The following SSBP3 variants were observed in gnomAD, a reference collection of about 807,000 sequenced individuals.
The protein encoded by SSBP3 is single-stranded DNA-binding protein 3.
Under a neutral mutation model 69.6 loss-of-function variants are expected in SSBP3, and 5 were observed. That is an observed-to-expected ratio of 0.07 (90% confidence interval 0.04 to 0.15). The LOEUF (loss-of-function observed/expected upper bound fraction) is 0.15. Among genes scored for constraint, SSBP3 ranks in the 10% least tolerant of loss-of-function variants. The pLI, the probability that SSBP3 is intolerant of heterozygous loss-of-function variation, is 1.00. For missense variants in SSBP3, 312 were observed against 534.0 expected (o/e 0.58, Z 4.10); for synonymous variants, 196 against 193.4 (o/e 1.01, Z -0.11).
At chr1:54,356,695 A>G (rs1298237600) in intron 4 of SSBP3, 1 of 152,248 alleles carries the variant, frequency 6.6e-6, no homozygotes, top group Non-Finnish European at 1.5e-5. Context: ...GGAGCTGCAA[A>G]GGGAGCCGAC....
At chr1:54,281,334 C>T in intron 5 of SSBP3, 104 bp downstream of exon 5, 5 of 881,240 alleles carry the variant, frequency 5.7e-6, no homozygotes, top group African/African-American at 3.4e-5. Context: ...TGTATTTAGA[C>T]CATGGCAAAC....
At chr1:54,299,960 C>T (rs1056490406) in intron 4 of SSBP3, among the ~76,000 whole-genome samples, 1 of 152,138 alleles carries the variant, frequency 6.6e-6, no homozygotes, top group South Asian at 2.1e-4. Context: ...TCTTTTTAAG[C>T]TTCTATGCAT....
Position 54,258,547 on chromosome 1 carries a change from C to T in SSBP3, c.367-398G>A, listed in dbSNP as rs1644963029. Among the ~76,000 whole-genome samples, 1 of 152,166 alleles carries T rather than the reference C, an allele frequency of 6.6e-6. No homozygotes were observed. Among genetic ancestry groups the T allele is most frequent in the South Asian group, 2.1e-4 (1 of 4,828 alleles). On this transcript the variant is annotated intron_variant, in intron 5 of 17. Transcript: ENST00000610401. This position sits in a 1 kb window ranked among gnomAD's most constrained non-coding sequence, Gnocchi z 4.5. Reference sequence around the variant, plus strand: ...GACCCAGGTGCAAAGCACGTAGGTGCCGCTTGCACGGGAGGTGGGGAAAGA... The same window carrying T: ...GACCCAGGTGCAAAGCACGTAGGTGTCGCTTGCACGGGAGGTGGGGAAAGA...
intron 4 of SSBP3, among the ~76,000 whole-genome samples, chr1:54,371,007 A>C (rs1163911057): frequency 6.6e-6 from 1 of 152,146 alleles, no homozygotes; most frequent in Non-Finnish European, 1.5e-5. Flanking sequence ...AGTGATTGAA[A>C]AGACAGGGCC....
chr1:54,276,941 G>A (rs114826103), intron 5 of SSBP3, among the ~76,000 whole-genome samples: 1,698 of 152,218 alleles, frequency 0.011, 21 homozygotes, highest in African/African-American at 0.039. Flanking sequence ...TCTCAGCTTG[G>A]CAGACAGGCC....
intron 5 of SSBP3, among the ~76,000 whole-genome samples, chr1:54,261,756 C>A (rs1447020022): frequency 1.3e-5 from 2 of 152,154 alleles, no homozygotes; most frequent in Non-Finnish European, 2.9e-5. Flanking sequence ...AATTAACCTT[C>A]CAGGGATGCG....
intron 13 of SSBP3, among the ~76,000 whole-genome samples, chr1:54,240,414 C>A (rs190948244): frequency 7.2e-6 from 1 of 138,360 alleles, no homozygotes; most frequent in Non-Finnish European, 1.5e-5. Context: ...GCTGAGATTA[C>A]GCCATTGCAC....
At chr1:54,362,860 T>C (rs752951688) in intron 4 of SSBP3, among the ~76,000 whole-genome samples, 50 of 152,240 alleles carry the variant, frequency 3.3e-4, no homozygotes, top group Non-Finnish European at 5.9e-5. Flanking sequence ...TCGTTTTCTC[T>C]CCCAGATAAC....
chr1:54,251,830 A>G (rs757641287), exon 8 of SSBP3: 6 of 1,611,822 alleles, frequency 3.7e-6, no homozygotes, highest in Non-Finnish European at 5.1e-6. Flanking sequence ...TTGGGCAGCA[A>G]TGGCTGTGTC....
At position 54,348,482 on chromosome 1, in the gene SSBP3, A is replaced by AC. The variant is rs1215245477; in HGVS notation, c.276+53378dup. Among the ~76,000 whole-genome samples the AC allele has an allele frequency of 5.3e-5, 8 of 152,104 alleles. No homozygotes were observed. In the East Asian group the frequency reaches 1.5e-3, roughly 29 times the overall value. ...TCCAACAGCCTGCCAAACAGGTGACACCCAGAGCACTGGCTACCCACACAG... is the reference window on the plus strand; with the variant it reads ...TCCAACAGCCTGCCAAACAGGTGACACCCCAGAGCACTGGCTACCCACACAG... On this transcript the variant is annotated intron_variant, in intron 4 of 17. Transcript: ENST00000610401.
intron 4 of SSBP3, among the ~76,000 whole-genome samples, chr1:54,371,914 T>C (rs1018613053): frequency 9.2e-5 from 14 of 152,298 alleles, no homozygotes; most frequent in African/African-American, 3.4e-4. Flanking sequence ...AGGCACTCTC[T>C]GAGCACATCT....
chr1:54,411,266 T>G (rs955846049), upstream of SSBP3, among the ~76,000 whole-genome samples: 1 of 151,538 alleles, frequency 6.6e-6, no homozygotes, highest in African/African-American at 2.4e-5. Context: ...GATCATGAGG[T>G]CAAGAGTTCG....
At chr1:54,314,572 G>A (rs892507230) in intron 4 of SSBP3, among the ~76,000 whole-genome samples, 3 of 152,230 alleles carry the variant, frequency 2.0e-5, no homozygotes, top group African/African-American at 7.2e-5. Flanking sequence ...GAAATAGACT[G>A]TTAAATGGAT....
chr1:54,390,077 T>A (rs1648376996), intron 4 of SSBP3, among the ~76,000 whole-genome samples: 1 of 152,216 alleles, frequency 6.6e-6, no homozygotes, highest in Middle Eastern at 3.4e-3. Context: ...CGGTTAGCAC[T>A]CAATAATTGT....
intron 4 of SSBP3, among the ~76,000 whole-genome samples, chr1:54,294,149 AAAAAAAAAAAAAAGAAAGAAAGAAAG>A (rs536915882): frequency 0.14 from 15,275 of 111,694 alleles, 1,173 homozygotes; most frequent in Non-Finnish European, 0.18. Flanking sequence ...TCTCAAAAAA[AAAAAAAAAAAAAAGAAAGAAAGAAAG>A]AAAGAAAGAA....
intron 4 of SSBP3, among the ~76,000 whole-genome samples, chr1:54,304,455 G>C (rs1393324593): frequency 6.6e-6 from 1 of 152,216 alleles, no homozygotes; most frequent in African/African-American, 2.4e-5. Flanking sequence ...TGGGCACAGG[G>C]CTAGCTGCAC....
rs770990993 is a variant in SSBP3 at position 54,228,729 on chromosome 1, G to A, written c.1006+19C>T. ...CTGCCCAGGCAGGGTGGGGCATGGC[G>A]AGGGCAGGGGCCACTCACCTAATGA... is the stretch of plus-strand genomic sequence containing the variant. On this transcript the variant is annotated intron_variant, in intron 15 of 17. Transcript: ENST00000610401. 1.5e-5 allele frequency: 23 copies of A among 1,577,876 alleles called. No homozygotes were observed. The highest frequency in any genetic ancestry group is 2.1e-4 in the Middle Eastern group (1 of 4,830).
chr1:54,361,969 T>A (rs1190515322), intron 4 of SSBP3, among the ~76,000 whole-genome samples: 2 of 152,206 alleles, frequency 1.3e-5, no homozygotes, highest in Non-Finnish European at 2.9e-5. Flanking sequence ...AGAAAGAGAC[T>A]GGAGGCGTAA....
At chr1:54,298,048 C>A (rs1383840920) in intron 4 of SSBP3, among the ~76,000 whole-genome samples, 1 of 152,156 alleles carries the variant, frequency 6.6e-6, no homozygotes, top group Non-Finnish European at 1.5e-5. Flanking sequence ...CTCATGCTCC[C>A]CAACCAGTCT....
Sources: gnomAD v4.1 joint callset for allele counts (sites outside exome capture counted in the v4.1 genomes callset) on GRCh38, gnomAD v4.1.1 for gene constraint, Gnocchi (gnomAD v3.1) non-coding constraint, MANE v1.5 for transcripts, NCBI Gene and HGNC (gene_info 2026-07-23, HGNC 2026-07-21) for gene names.